The following EZH2 variants were observed in gnomAD, a reference collection of about 807,000 sequenced individuals.
The protein encoded by EZH2 is histone-lysine N-methyltransferase EZH2.
A neutral mutation model predicts 98.4 loss-of-function variants in EZH2; 18 were observed. The ratio of observed to expected loss-of-function variants is 0.18; its 90% CI spans 0.13 to 0.27. The LOEUF (loss-of-function observed/expected upper bound fraction) is 0.27, where lower values mean the gene tolerates loss of function less well. EZH2 is among the 10% of genes least tolerant of loss of function. The pLI, the probability that EZH2 is intolerant of heterozygous loss-of-function variation, is 1.00. For synonymous variants in EZH2, 338 were observed against 312.3 expected (o/e 1.08, Z -0.87); for missense variants, 470 against 935.1 (o/e 0.50, Z 6.49).
chr7:148,863,405 C>T (rs1226573254), intron 1 of EZH2, among the ~76,000 whole-genome samples: 1 of 152,148 alleles, frequency 6.6e-6, no homozygotes, highest in Non-Finnish European at 1.5e-5. Flanking sequence ...AATAATCTGT[C>T]ATATGTCAGT....
At chr7:148,855,515 C>T (rs972925080) in intron 1 of EZH2, among the ~76,000 whole-genome samples, 1 of 152,134 alleles carries the variant, frequency 6.6e-6, no homozygotes, top group African/African-American at 2.4e-5. Flanking sequence ...ATTCAAGAGC[C>T]TCCACCTCAG....
chr7:148,851,455 T>C (rs1329950010), intron 1 of EZH2, among the ~76,000 whole-genome samples: 2 of 152,172 alleles, frequency 1.3e-5, no homozygotes, highest in African/African-American at 4.8e-5. Flanking sequence ...AGTGAGCCTT[T>C]AGATGTTAGC....
chr7:148,828,762 T>C lies in EZH2; in HGVS notation c.603A>G (p.Lys201=), dbSNP rs1343878496. The C allele has an allele frequency of 6.2e-7, 1 of 1,613,746 alleles. No homozygotes were observed. Among genetic ancestry groups the C allele is most frequent in the Non-Finnish European group, 8.5e-7 (1 of 1,179,988 alleles). The change falls in exon 6 of 20, where the codon AAA becomes AAG. Residue 201 remains lysine (K), a synonymous_variant. Coordinates refer to ENST00000320356, the MANE Select transcript of EZH2 (RefSeq NM_004456.5). The part of the protein sequence containing the change: ...DDPEEREEKQ[K]DLEDHRDDKE... Reference sequence around the variant, plus strand: ...TACCATCTCGGTGATCCTCCAGATCTTTCTGCTTTTCTTCTCTTTCTTCAG... The same window carrying C: ...TACCATCTCGGTGATCCTCCAGATCCTTCTGCTTTTCTTCTCTTTCTTCAG...
intron 9 of EZH2, among the ~76,000 whole-genome samples, chr7:148,818,338 G>C (rs754746649): frequency 1.3e-5 from 2 of 152,034 alleles, no homozygotes; most frequent in Non-Finnish European, 1.5e-5. Context: ...TCCTAGAATG[G>C]TACAAAAATC....
intron 10 of EZH2, 123 bp from the exon 11 acceptor site, chr7:148,817,514 C>A (rs1804880437): frequency 1.1e-6 from 1 of 924,660 alleles, no homozygotes; most frequent in African/African-American, 1.7e-5. Flanking sequence ...ATCGGCAAAA[C>A]ACTAACCCAT....
intron 7 of EZH2, 63 bp downstream of exon 7, chr7:148,827,101 A>C: frequency 9.3e-6 from 12 of 1,295,762 alleles, no homozygotes; most frequent in Non-Finnish European, 1.2e-5. Context: ...CATTTGTAAT[A>C]AACCAAAATG....
intron 3 of EZH2, among the ~76,000 whole-genome samples, chr7:148,842,780 T>C (rs1812800991): frequency 6.6e-6 from 1 of 151,924 alleles, no homozygotes; most frequent in Non-Finnish European, 1.5e-5. Flanking sequence ...AAAAACACAT[T>C]AAGGGACGGG....
At chr7:148,837,533 C>A (rs188222158) in intron 3 of EZH2, among the ~76,000 whole-genome samples, 1 of 152,206 alleles carries the variant, frequency 6.6e-6, no homozygotes, top group East Asian at 1.9e-4. Context: ...GTGAAAATGA[C>A]CGTGTATATA....
chr7:148,809,662 C>CA (rs5888341), intron 17 of EZH2, among the ~76,000 whole-genome samples: 148 of 142,412 alleles, frequency 1.0e-3, no homozygotes, highest in South Asian at 5.4e-3. Flanking sequence ...CAAAACATAG[C>CA]AAAAAAAAAA....
intron 3 of EZH2, among the ~76,000 whole-genome samples, chr7:148,838,254 A>G (rs1171861929): frequency 6.6e-6 from 1 of 151,788 alleles, no homozygotes; most frequent in Admixed American, 6.6e-5. Context: ...TTTTTTATTG[A>G]GATGGGATCT....
intron 17 of EZH2, among the ~76,000 whole-genome samples, chr7:148,810,040 A>AGAGGT (rs1307652199): frequency 6.6e-6 from 1 of 152,258 alleles, no homozygotes; most frequent in African/African-American, 2.4e-5. Flanking sequence ...CCTGAACACA[A>AGAGGT]GAGGTGAGGT....
chr7:148,846,408 A>G, intron 3 of EZH2, 62 bp downstream of exon 3: 1 of 1,550,778 alleles, frequency 6.4e-7, no homozygotes, highest in Non-Finnish European at 8.7e-7. Context: ...AACCAAACAA[A>G]TGTTCCAATA....
At chr7:148,844,713 T>C (rs1813522742) in intron 3 of EZH2, among the ~76,000 whole-genome samples, 1 of 152,238 alleles carries the variant, frequency 6.6e-6, no homozygotes, top group South Asian at 2.1e-4. Flanking sequence ...TATCTTTATA[T>C]TCAACGATTT....
At chr7:148,813,589 T>C (rs1159569071) in intron 15 of EZH2, among the ~76,000 whole-genome samples, 1 of 151,926 alleles carries the variant, frequency 6.6e-6, no homozygotes, top group Non-Finnish European at 1.5e-5. Flanking sequence ...AATGAGTCTA[T>C]ATTTTGATAG....
rs562950096 is a variant in EZH2 at position 148,883,812 on chromosome 7, C to T, written c.-8+352G>A. ...AAAGGAGACTTGAGGCTCGAGCTGC[C>T]ACCCTGGACCGGGCACCGGAACGCC... is the stretch of plus-strand genomic sequence containing the variant. On this transcript the variant is annotated intron_variant, in intron 1 of 19. Coordinates refer to ENST00000320356, the MANE Select transcript of EZH2 (RefSeq NM_004456.5). Among the ~76,000 whole-genome samples, 57 of 151,992 alleles carry T rather than the reference C, an allele frequency of 3.8e-4. No homozygotes were observed. The South Asian group carries it at 4.8e-3, about 13-fold the overall frequency.
intron 8 of EZH2, 144 bp downstream of exon 8, chr7:148,826,305 CAAAGT>C (rs1807690322): frequency 3.3e-6 from 2 of 599,564 alleles, no homozygotes; most frequent in African/African-American, 1.9e-5. Flanking sequence ...CCTCAAGCAA[CAAAGT>C]AAAAATAATA....
intron 1 of EZH2, among the ~76,000 whole-genome samples, chr7:148,852,650 T>G (rs1330016187): frequency 1.3e-5 from 2 of 152,204 alleles, no homozygotes; most frequent in African/African-American, 4.8e-5. Context: ...GAAGCCATCT[T>G]GGAGAAGAGC....
intron 3 of EZH2, among the ~76,000 whole-genome samples, chr7:148,842,750 G>C (rs1290393645): frequency 6.6e-6 from 1 of 151,008 alleles, no homozygotes; most frequent in Non-Finnish European, 1.5e-5. Context: ...AAAAAAAAAA[G>C]AGTTGCCCTA....
chr7:148,828,290 A>G (rs1585017057), intron 6 of EZH2, among the ~76,000 whole-genome samples: 1 of 152,340 alleles, frequency 6.6e-6, no homozygotes, highest in East Asian at 1.9e-4. Flanking sequence ...TTTGCTAGCC[A>G]AAGGAAACAA....
Sources: gnomAD v4.1 joint callset for allele counts (sites outside exome capture counted in the v4.1 genomes callset) on GRCh38, gnomAD v4.1.1 for gene constraint, MANE v1.5 for transcripts, NCBI Gene and HGNC (gene_info 2026-07-23, HGNC 2026-07-21) for gene names.